Variants in IL6ST observed in about 807,000 individuals in gnomAD.
IL6ST encodes the protein interleukin 6 cytokine family signal transducer.
A neutral mutation model predicts 91.3 loss-of-function variants in IL6ST; 24 were observed. The observed-to-expected ratio is 0.26, with a 90% CI of 0.19 to 0.37. IL6ST has a LOEUF of 0.37. IL6ST is among the 10% of genes least tolerant of loss of function. The probability of loss-of-function intolerance (pLI) is 1.00; values close to 1 mark genes in which losing one functional copy is unlikely to be tolerated. For synonymous variants in IL6ST, 351 were observed against 373.6 expected, an observed-to-expected ratio of 0.94 and a Z score of 0.70; for missense variants, 914 against 1,078.5, an observed-to-expected ratio of 0.85 and a Z score of 2.14.
At chr5:55,958,754 G>A (rs1056649145) in intron 8 of IL6ST, among the ~76,000 whole-genome samples, 2 of 150,760 alleles carry the variant, frequency 1.3e-5, no homozygotes, top group African/African-American at 4.9e-5. Context: ...CATGAGGATC[G>A]CTTCAGCCTT....
rs1354932885 is a variant in IL6ST, at chr5:55,937,497, G to C, written c.*3585C>G. The C allele has an allele frequency of 9.5e-6, 2 of 210,594 alleles. No homozygotes were observed. Among genetic ancestry groups the C allele is most frequent in the Non-Finnish European group, 1.9e-5 (2 of 103,674 alleles). 13.0% of individuals were successfully genotyped at this position (210,594 alleles called of 1,614,324 possible). A position where few individuals can be genotyped will look rare whatever the true frequency, so the allele number is the denominator to read the frequency against. ...ACATCATCTGAATTCTGTTTATCGA[G>C]TCTGAAAAGGAACTGCTGCCAAGGA... On this transcript the variant is annotated 3_prime_UTR_variant, in exon 17 of 17. Transcript: ENST00000381298.
At chr5:55,974,936 TACACACACACACACACACATACACAC>T (rs1361302101) in intron 3 of IL6ST, among the ~76,000 whole-genome samples, 3 of 147,250 alleles carry the variant, frequency 2.0e-5, no homozygotes, top group Admixed American at 6.8e-5. Flanking sequence ...GTATTATTCA[TACACACACACACACACACATACACAC>T]ACACACACAC....
At chr5:55,949,238 G>A (rs1385119451) in intron 14 of IL6ST, among the ~76,000 whole-genome samples, 3 of 152,116 alleles carry the variant, frequency 2.0e-5, no homozygotes, top group African/African-American at 7.2e-5. Flanking sequence ...CACTCTGGGA[G>A]GCTAAGGCAG....
chr5:55,950,381 C>CA (rs1374261636), intron 14 of IL6ST, among the ~76,000 whole-genome samples: 1 of 150,982 alleles, frequency 6.6e-6, no homozygotes, highest in Admixed American at 6.6e-5. Flanking sequence ...TACAAAAATA[C>CA]AAAAAATTAG....
chr5:55,942,597 C>A, intron 16 of IL6ST, 73 bp downstream of exon 16: 1 of 751,278 alleles, frequency 1.3e-6, no homozygotes, highest in Non-Finnish European at 2.3e-6. Flanking sequence ...AATATACCTA[C>A]TAACTGTAGA....
chr5:55,952,480 AGCATT>A, intron 11 of IL6ST, 129 bp from the exon 12 acceptor site: 3 of 552,556 alleles, frequency 5.4e-6, no homozygotes, highest in Non-Finnish European at 9.6e-6. Context: ...TTTCTAAGTA[AGCATT>A]GTCTTTTGTG....
Position 55,941,210 on chromosome 5 carries a change from A to C in IL6ST, c.2629T>G (p.Phe877Val). The change falls in exon 17 of 17, where the codon TTT (phenylalanine) becomes GTT (valine). Residue 877 changes from phenylalanine to valine, a missense_variant. By Grantham distance (50) the Phe-to-Val change is conservative (BLOSUM62 -1). Coordinates refer to ENST00000381298, the MANE Select transcript of IL6ST (RefSeq NM_002184.4). ...MFQEVSAADA[F>V]GPGTEGQVER... Reference sequence around the variant, plus strand: ...ACTTGTCCCTCAGTACCTGGACCAAAAGCATCTGCTGCAGAAACTTCCTGA... The same window carrying C: ...ACTTGTCCCTCAGTACCTGGACCAACAGCATCTGCTGCAGAAACTTCCTGA... 5 of 1,614,132 alleles carry C rather than the reference A, an allele frequency of 3.1e-6. No individual in the cohort carries two copies. The highest frequency in any genetic ancestry group is 4.2e-6 in the Non-Finnish European group (5 of 1,180,010).
rs1408490146 is a variant in IL6ST, at chr5:55,963,408, T to C, written c.757A>G (p.Ile253Val). Reference protein sequence around the residue: ...TWTNPSIKSVIILKYNIQYRT... With the variant: ...TWTNPSIKSVVILKYNIQYRT... ...TATTGAATGTTATATTTTAGTATTA[T>C]AACACTCTTAATACTTGGGTTGGTC... Residue 253 changes from isoleucine to valine, a missense_variant, in exon 7 of 17, where the codon ATA becomes GTA. Transcript: ENST00000381298. 1.3e-6 allele frequency: 2 copies of C among 1,598,048 alleles called. No homozygotes were observed. The highest frequency in any genetic ancestry group is 1.7e-6 in the Non-Finnish European group (2 of 1,166,492).
chr5:55,952,283 G>A lies in IL6ST; in HGVS notation c.1519C>T (p.Pro507Ser). Residue 507 changes from proline (P) to serine (S), a missense_variant, in exon 12 of 17, where the codon CCT (proline) becomes TCT (serine). Physicochemically the swap from Pro to Ser is moderately conservative, Grantham distance 74. Coordinates refer to ENST00000381298, the MANE Select transcript of IL6ST (RefSeq NM_002184.4). The part of the protein sequence containing the change: ...TPVYADGPGS[P>S]ESIKAYLKQA... ...TTAAGGTATGCCTTTATGGATTCAGGGCTTCCTGGTCCATCAGCATATACT... is the reference window on the plus strand; with the variant it reads ...TTAAGGTATGCCTTTATGGATTCAGAGCTTCCTGGTCCATCAGCATATACT... 1.2e-6 allele frequency: 2 copies of A among 1,610,384 alleles called. No homozygotes were observed. The highest frequency in any genetic ancestry group is 1.7e-6 in the Non-Finnish European group (2 of 1,177,410).
intron 14 of IL6ST, chr5:55,950,163 C>G (rs751914364): frequency 4.1e-6 from 2 of 489,710 alleles, no homozygotes; most frequent in Non-Finnish European, 8.2e-6. Context: ...TGGCATAGAA[C>G]GAGGGAGGGA....
rs557213170 is a variant in IL6ST, at chr5:55,978,904, T to G, written c.-15-2611A>C. 2.0e-5 allele frequency among the ~76,000 whole-genome samples: 3 copies of G among 152,090 alleles called. No homozygotes were observed. The East Asian group carries it at 5.8e-4, about 29-fold the overall frequency. ...ATAAGGTATAACCAAAAGAAACGAGTGCTTAATACCTCCAAAGACATCTAC... is the reference window on the plus strand; with the variant it reads ...ATAAGGTATAACCAAAAGAAACGAGGGCTTAATACCTCCAAAGACATCTAC... On this transcript the variant is annotated intron_variant, in intron 2 of 16. Transcript: ENST00000381298.
At chr5:55,980,904 T>G in intron 2 of IL6ST, among the ~76,000 whole-genome samples, 1 of 152,164 alleles carries the variant, frequency 6.6e-6, no homozygotes, top group East Asian at 1.9e-4. Context: ...TTTTAAAAAT[T>G]TTTCTGTAAA....
In IL6ST at chr5:55,964,242, T is replaced by C. The variant is rs1219955611; in HGVS notation, c.562A>G (p.Thr188Ala). ...ACTTCAATGTTGACAAAATACACAG[T>C]AGAATAATCAACAGTGCATGAGGTG... ...TPTSCTVDYS[T>A]VYFVNIEVWV... The change falls in exon 6 of 17, where the codon ACT becomes GCT. Residue 188 changes from threonine (T) to alanine (A), a missense_variant. By Grantham distance (58) the Thr-to-Ala change is moderately conservative. Transcript: ENST00000381298. The C allele has an allele frequency of 1.9e-6, 3 of 1,610,666 alleles. No homozygotes were observed. The highest frequency in any genetic ancestry group is 2.2e-5 in the East Asian group (1 of 44,804).
intron 3 of IL6ST, among the ~76,000 whole-genome samples, chr5:55,971,799 C>G (rs1436042666): frequency 6.6e-6 from 1 of 152,118 alleles, no homozygotes; most frequent in Non-Finnish European, 1.5e-5. Flanking sequence ...AAATTAAAAA[C>G]AGTTTTTGCA....
At position 55,936,562 on chromosome 5, in the gene IL6ST, A is replaced by C. The variant is rs1041141125; in HGVS notation, c.*4520T>G. ...CCACACGAAGCATCTCATTTACACT[A>C]AGATGCTTATTTAGCTAACACCACT... is the stretch of plus-strand genomic sequence containing the variant. On this transcript the variant is annotated 3_prime_UTR_variant, in exon 17 of 17. Coordinates refer to ENST00000381298, the MANE Select transcript of IL6ST (RefSeq NM_002184.4). The C allele has an allele frequency of 2.4e-5, 5 of 204,530 alleles. No individual in the cohort carries two copies. The highest frequency in any genetic ancestry group is 1.1e-4 in the African/African-American group (5 of 43,780). 12.7% of individuals were successfully genotyped at this position (204,530 alleles called of 1,614,324 possible).
rs147894751 is a variant in IL6ST, at chr5:55,966,382, G to A, written c.491+1894C>T. ...CTTGCTGGGATTGACTGAAGGAGCA[G>A]GAAGGAACTTTTTAGGTGTGTTAGT... On this transcript the variant is annotated intron_variant, in intron 5 of 16. Transcript: ENST00000381298. Among the ~76,000 whole-genome samples, 142 of 152,306 alleles carry A rather than the reference G, an allele frequency of 9.3e-4. 1 individual carries two copies. The highest frequency in any genetic ancestry group is 3.2e-3 in the African/African-American group (132 of 41,578).
At chr5:55,967,986 G>C (rs1752736558) in intron 5 of IL6ST, among the ~76,000 whole-genome samples, 1 of 151,956 alleles carries the variant, frequency 6.6e-6, no homozygotes, top group Non-Finnish European at 1.5e-5. Flanking sequence ...GGTAGAGACA[G>C]GGTTTTGCTC....
intron 7 of IL6ST, among the ~76,000 whole-genome samples, chr5:55,962,998 T>G (rs2111764225): frequency 6.6e-6 from 1 of 151,872 alleles, no homozygotes; most frequent in African/African-American, 2.4e-5. Flanking sequence ...GGTGCACACC[T>G]GTAGTGAGAC....
chr5:55,981,828 G>C (rs1183893946), intron 2 of IL6ST, among the ~76,000 whole-genome samples: 1 of 152,052 alleles, frequency 6.6e-6, no homozygotes, highest in Non-Finnish European at 1.5e-5. Context: ...CTTGAAATTT[G>C]CAGGTAACTT....
Sources: gnomAD v4.1 joint callset for allele counts (sites outside exome capture counted in the v4.1 genomes callset) on GRCh38, gnomAD v4.1.1 for gene constraint, MANE v1.5 for transcripts, NCBI Gene and HGNC (gene_info 2026-07-23, HGNC 2026-07-21) for gene names.